Variants in CSMD3 observed in about 807,000 individuals in gnomAD.
CSMD3 encodes CUB and sushi domain-containing protein 3.
Under a neutral mutation model 435.2 loss-of-function variants are expected in CSMD3, and 177 were observed. The ratio of observed to expected loss-of-function variants is 0.41; its 90% CI spans 0.36 to 0.46. The LOEUF (loss-of-function observed/expected upper bound fraction) is 0.46, where lower values mean the gene tolerates loss of function less well. Ranked by LOEUF, CSMD3 falls within the 20% of genes least tolerant of loss-of-function variation. The probability of loss-of-function intolerance (pLI) is 0.34; values close to 1 mark genes in which losing one functional copy is unlikely to be tolerated. For synonymous variants in CSMD3, 1,656 were observed against 1,520.5 expected, an observed-to-expected ratio of 1.09 and a Z score of -2.07; for missense variants, 4,265 against 4,504.6, an observed-to-expected ratio of 0.95 and a Z score of 1.52.
intron 10 of CSMD3, among the ~76,000 whole-genome samples, chr8:112,906,386 T>C (rs2082263264): frequency 1.3e-5 from 2 of 151,368 alleles, no homozygotes; most frequent in Non-Finnish European, 3.0e-5. Flanking sequence ...ATATAACTTT[T>C]CATGTTTTCA....
intron 10 of CSMD3, among the ~76,000 whole-genome samples, chr8:112,873,018 G>A (rs1424920390): frequency 6.6e-6 from 1 of 151,930 alleles, no homozygotes; most frequent in African/African-American, 2.4e-5. Context: ...AAAAGATTCA[G>A]TTTCAAGTTA....
intron 1 of CSMD3, among the ~76,000 whole-genome samples, chr8:113,328,435 C>T (rs2094000786): frequency 7.6e-6 from 1 of 132,306 alleles, no homozygotes; most frequent in African/African-American, 2.9e-5. Flanking sequence ...GAGACTCCGT[C>T]TCAAAAAAAA....
chr8:113,055,190 G>A (rs372592196), intron 5 of CSMD3, among the ~76,000 whole-genome samples: 13 of 151,900 alleles, frequency 8.6e-5, no homozygotes, highest in Admixed American at 3.3e-4. Flanking sequence ...TCACTCTGTC[G>A]CCCAGGCTGG....
At chr8:113,261,904 T>C (rs1375378259) in intron 3 of CSMD3, among the ~76,000 whole-genome samples, 4 of 152,054 alleles carry the variant, frequency 2.6e-5, no homozygotes, top group African/African-American at 4.8e-5. Context: ...CTGTGGATGT[T>C]GTATCATTTG....
chr8:112,490,746 T>C (rs1043595338), intron 31 of CSMD3, among the ~76,000 whole-genome samples: 2 of 152,144 alleles, frequency 1.3e-5, no homozygotes, highest in African/African-American at 4.8e-5. Flanking sequence ...TTATTTTCTA[T>C]GTTTAATATT....
chr8:113,366,299 A>G (rs577250466), intron 1 of CSMD3, among the ~76,000 whole-genome samples: 197 of 152,098 alleles, frequency 1.3e-3, no homozygotes, highest in Non-Finnish European at 1.9e-3. Flanking sequence ...TCTTTATAGG[A>G]CACAAGGATA....
At chr8:112,714,302 A>G (rs2076676270) in intron 13 of CSMD3, among the ~76,000 whole-genome samples, 1 of 148,464 alleles carries the variant, frequency 6.7e-6, no homozygotes, top group Admixed American at 6.8e-5. Context: ...CAGACTTTTA[A>G]CCATCAAAGA....
chr8:112,351,144 A>T (rs2131053410), intron 40 of CSMD3, 31 bp downstream of exon 40: 1 of 1,280,662 alleles, frequency 7.8e-7, no homozygotes, highest in Non-Finnish European at 1.1e-6. Context: ...TTTAAGTTCT[A>T]GGGTAAATAC....
rs1426423611 is a variant in CSMD3, at chr8:112,346,116, T to C, written c.6423A>G (p.Ile2141Met). ...YPSSLDCTWT[I>M]NLPIGFGVHL... is the part of the protein sequence containing the mutation. ...ACATACCAAAACCTATGGGTAGATT[T>C]ATTGTCCATGTGCAATCTAAACTGC... The change falls in exon 41 of 71, where the codon ATA becomes ATG. Residue 2141 changes from isoleucine (I) to methionine (M), a missense_variant. Ile to Met is a conservative substitution (Grantham distance 10, BLOSUM62 1). Coordinates refer to ENST00000297405, the MANE Select transcript of CSMD3 (RefSeq NM_198123.2). 3.1e-6 allele frequency: 5 copies of C among 1,597,774 alleles called. No individual in the cohort carries two copies. The highest frequency in any genetic ancestry group is 3.4e-6 in the Non-Finnish European group (4 of 1,165,144).
chr8:112,520,347 A>G (rs1214720222), intron 27 of CSMD3, among the ~76,000 whole-genome samples: 1 of 152,094 alleles, frequency 6.6e-6, no homozygotes, highest in East Asian at 1.9e-4. Context: ...GTAAAATGAG[A>G]TCTTAAGATC....
chr8:112,565,707 C>T (rs1303419192), intron 24 of CSMD3, among the ~76,000 whole-genome samples: 1 of 152,040 alleles, frequency 6.6e-6, no homozygotes, highest in African/African-American at 2.4e-5. Context: ...GGGCAACATG[C>T]ATATTTAGCA....
intron 38 of CSMD3, among the ~76,000 whole-genome samples, chr8:112,372,733 C>T (rs1017808413): frequency 1.3e-5 from 2 of 151,736 alleles, no homozygotes; most frequent in African/African-American, 4.8e-5. Context: ...CATGTAGTCC[C>T]AGCTACTCAG....
chr8:113,087,199 T>C (rs1303671981), intron 5 of CSMD3, among the ~76,000 whole-genome samples: 1 of 152,204 alleles, frequency 6.6e-6, no homozygotes, highest in Non-Finnish European at 1.5e-5. Context: ...GAAAGTGGCA[T>C]CTTTTTTATG....
At chr8:112,862,246 T>G (rs1465629722) in intron 10 of CSMD3, among the ~76,000 whole-genome samples, 1 of 152,064 alleles carries the variant, frequency 6.6e-6, no homozygotes, top group African/African-American at 2.4e-5. Flanking sequence ...TTTTGTTTTG[T>G]GGCACTATGA....
chr8:112,478,436 C>T (rs1303482362), intron 31 of CSMD3, among the ~76,000 whole-genome samples: 6 of 152,068 alleles, frequency 3.9e-5, no homozygotes, highest in South Asian at 2.1e-4. Flanking sequence ...ACAAGGTCTC[C>T]GATGGAAATG....
chr8:113,115,544 A>G (rs2131613888), intron 4 of CSMD3, among the ~76,000 whole-genome samples: 1 of 152,322 alleles, frequency 6.6e-6, no homozygotes, highest in South Asian at 2.1e-4. Context: ...ATAAAATGGA[A>G]GCTGAAAGTA....
intron 11 of CSMD3, among the ~76,000 whole-genome samples, chr8:112,830,368 C>T: frequency 6.6e-6 from 1 of 151,732 alleles, no homozygotes; most frequent in East Asian, 1.9e-4. Flanking sequence ...AAACTGGGAG[C>T]ACAATACTTT....
At chr8:113,427,498 AAAG>A (rs200360515) in intron 1 of CSMD3, among the ~76,000 whole-genome samples, 161 of 150,996 alleles carry the variant, frequency 1.1e-3, no homozygotes, top group African/African-American at 3.7e-3. Context: ...AAAAAAAAAA[AAAG>A]AGGCTCATAA....
At chr8:113,347,729 G>A (rs748318642) in intron 1 of CSMD3, among the ~76,000 whole-genome samples, 1 of 152,172 alleles carries the variant, frequency 6.6e-6, no homozygotes, top group African/African-American at 2.4e-5. Context: ...GCTGACAGAC[G>A]GCTGCTAGCA....
Sources: allele counts gnomAD v4.1 joint callset (sites outside exome capture counted in the v4.1 genomes callset), GRCh38; gene constraint gnomAD v4.1.1; transcripts MANE v1.5; gene names NCBI Gene and HGNC (gene_info 2026-07-23, HGNC 2026-07-21).